The following KIAA1217 variants were observed in gnomAD, a reference collection of about 807,000 sequenced individuals.
The protein encoded by KIAA1217 is KIAA1217, also known as sickle tail protein homolog.
A neutral mutation model predicts 163.9 loss-of-function variants in KIAA1217; 88 were observed. The observed-to-expected ratio is 0.54, with a 90% CI of 0.45 to 0.64. The LOEUF (loss-of-function observed/expected upper bound fraction) is 0.64. Ranked by LOEUF, KIAA1217 falls within the 30% of genes least tolerant of loss-of-function variation. The pLI is 0.00. For synonymous variants in KIAA1217, 903 were observed against 923.1 expected (o/e 0.98, Z 0.39); for missense variants, 2,372 against 2,475.0 (o/e 0.96, Z 0.88).
At chr10:24,104,575 A>G (rs2062547901) in intron 2 of KIAA1217, among the ~76,000 whole-genome samples, 1 of 152,210 alleles carries the variant, frequency 6.6e-6, no homozygotes, top group African/African-American at 2.4e-5. Flanking sequence ...ACTTTGCATG[A>G]TACTATAATG....
chr10:24,180,439 A>G (rs953062511), intron 2 of KIAA1217, among the ~76,000 whole-genome samples: 1 of 151,996 alleles, frequency 6.6e-6, no homozygotes, highest in African/African-American at 2.4e-5. Flanking sequence ...GGTGCATGCC[A>G]CTATACCTGG....
intron 1 of KIAA1217, among the ~76,000 whole-genome samples, chr10:23,934,626 T>TTTTTTTTA (rs1843443264): frequency 1.3e-5 from 1 of 77,644 alleles, no homozygotes; most frequent in African/African-American, 1.3e-4. Context: ...TATATATATA[T>TTTTTTTTA]TTTTTTTTTG....
chr10:23,997,729 C>G (rs1846550229), intron 1 of KIAA1217, among the ~76,000 whole-genome samples: 1 of 152,150 alleles, frequency 6.6e-6, no homozygotes, highest in Non-Finnish European at 1.5e-5. Context: ...GCCTTCTATC[C>G]ATGGAGGGAA....
intron 1 of KIAA1217, among the ~76,000 whole-genome samples, chr10:23,841,147 A>C (rs891194874): frequency 6.6e-6 from 1 of 152,218 alleles, no homozygotes; most frequent in Non-Finnish European, 1.5e-5. Context: ...TGTGACTTTT[A>C]TTACTATTAG....
intron 1 of KIAA1217, among the ~76,000 whole-genome samples, chr10:24,210,714 C>A (rs1245266163): frequency 6.6e-6 from 1 of 152,152 alleles, no homozygotes; most frequent in Non-Finnish European, 1.5e-5. Flanking sequence ...ATGTAGACGT[C>A]ACTGTTTTAG....
In KIAA1217 at chr10:23,824,658, A is replaced by AAAAT. The variant is rs1837805755; in HGVS notation, c.-321+129425_-321+129426insAATA. ...AAAAAAAAAAAAAAAAAATAAAAAA[A>AAAAT]ATATATATATATATATATATATATG... On this transcript the variant is annotated intron_variant, in intron 1 of 18. Transcript: ENST00000376462. Among the ~76,000 whole-genome samples, 48 of 53,044 alleles carry AAAAT rather than the reference A, an allele frequency of 9.0e-4. 1 individual carries two copies. Among genetic ancestry groups the AAAAT allele is most frequent in the Non-Finnish European group, 1.3e-3 (37 of 28,144 alleles). 34.8% of individuals were successfully genotyped at this position (53,044 alleles called of 152,430 possible).
At chr10:23,954,501 G>A (rs1207937607) in intron 1 of KIAA1217, among the ~76,000 whole-genome samples, 1 of 151,900 alleles carries the variant, frequency 6.6e-6, no homozygotes, top group Non-Finnish European at 1.5e-5. Flanking sequence ...GGAGGTTGAC[G>A]CTGCAGTGAG....
intron 2 of KIAA1217, among the ~76,000 whole-genome samples, chr10:24,224,895 C>T (rs930684404): frequency 4.1e-5 from 6 of 145,200 alleles, no homozygotes; most frequent in Admixed American, 1.4e-4. Context: ...GGCGCAGTCT[C>T]GGCTTACTGC....
At chr10:24,424,525 C>T (rs1282556851) in intron 3 of KIAA1217, among the ~76,000 whole-genome samples, 1 of 152,210 alleles carries the variant, frequency 6.6e-6, no homozygotes, top group Non-Finnish European at 1.5e-5. Context: ...TTAATGAAGC[C>T]ATTTCTACCG....
intron 1 of KIAA1217, among the ~76,000 whole-genome samples, chr10:23,882,494 C>G (rs1023104442): frequency 4.6e-5 from 7 of 151,892 alleles, no homozygotes; most frequent in Admixed American, 3.3e-4. Flanking sequence ...TTTACACTCC[C>G]TCATGTTTGA....
At chr10:23,737,684 T>G (rs1249679676) in intron 1 of KIAA1217, among the ~76,000 whole-genome samples, 1 of 152,236 alleles carries the variant, frequency 6.6e-6, no homozygotes, top group Non-Finnish European at 1.5e-5. Flanking sequence ...TTTTGCTTTC[T>G]GTTTTTCATT....
At chr10:24,029,635 C>T (rs1368044710) in intron 2 of KIAA1217, among the ~76,000 whole-genome samples, 1 of 152,178 alleles carries the variant, frequency 6.6e-6, no homozygotes, top group Non-Finnish European at 1.5e-5. Context: ...GGATTTACTA[C>T]ACCTCTCAAG....
Position 24,413,471 on chromosome 10 carries a change from C to T in KIAA1217, c.554-19524C>T, listed in dbSNP as rs578228990. Among the ~76,000 whole-genome samples, 96 of 152,260 alleles carry T rather than the reference C, an allele frequency of 6.3e-4. 1 individual carries two copies. The highest frequency in any genetic ancestry group is 2.2e-3 in the African/African-American group (93 of 41,556). On this transcript the variant is annotated intron_variant, in intron 3 of 20. Transcript: ENST00000376454. ...ACAGGCATGAGCCACCACGCCCAGCCCCGTAGTTAATTTTTAACAGAGCAG... is the reference window on the plus strand; with the variant it reads ...ACAGGCATGAGCCACCACGCCCAGCTCCGTAGTTAATTTTTAACAGAGCAG...
chr10:24,125,322 C>CTGTGTGTGTGTGTGTG (rs58143239), intron 2 of KIAA1217, among the ~76,000 whole-genome samples: 122 of 143,812 alleles, frequency 8.5e-4, no homozygotes, highest in Non-Finnish European at 1.4e-3. Context: ...ATCCTATGCT[C>CTGTGTGTGTGTGTGTG]TGTGTGTGTG....
At chr10:24,315,937 G>GT (rs2043303222) in intron 2 of KIAA1217, among the ~76,000 whole-genome samples, 1 of 147,126 alleles carries the variant, frequency 6.8e-6, no homozygotes, top group African/African-American at 2.5e-5. Flanking sequence ...AATGGGGGGG[G>GT]GGAATCCAAG....
At chr10:24,328,133 A>T (rs982487782) in intron 2 of KIAA1217, among the ~76,000 whole-genome samples, 1 of 152,208 alleles carries the variant, frequency 6.6e-6, no homozygotes, top group African/African-American at 2.4e-5. Context: ...CACTGAGACA[A>T]CAAGTATTGC....
At chr10:23,864,124 A>C (rs1445066796) in intron 1 of KIAA1217, among the ~76,000 whole-genome samples, 2 of 151,582 alleles carry the variant, frequency 1.3e-5, no homozygotes, top group Non-Finnish European at 2.9e-5. Flanking sequence ...CAGAAAAGGC[A>C]ACCAAAACAG....
chr10:24,454,783 T>G (rs1326716993), intron 5 of KIAA1217, among the ~76,000 whole-genome samples: 1 of 151,658 alleles, frequency 6.6e-6, no homozygotes, highest in Non-Finnish European at 1.5e-5. Flanking sequence ...TGGATGGAAA[T>G]CCACAAAGTG....
rs544297877 is a variant in KIAA1217 at position 24,445,722 on chromosome 10, A to G, written c.846+7243A>G. ...AAAGGACATGAACTCATCATTTTTT[A>G]TGGCTGCATAGTATTCCATGGTGTA... On this transcript the variant is annotated intron_variant, in intron 5 of 20. Coordinates refer to ENST00000376454, the MANE Select transcript of KIAA1217 (RefSeq NM_019590.5). 5.5e-3 allele frequency among the ~76,000 whole-genome samples: 840 copies of G among 151,792 alleles called. 12 individuals carry two copies. The highest frequency in any genetic ancestry group is 0.023 in the Admixed American group (351 of 15,240).
Sources: allele counts gnomAD v4.1 joint callset (sites outside exome capture counted in the v4.1 genomes callset), GRCh38; gene constraint gnomAD v4.1.1; transcripts MANE v1.5; gene names NCBI Gene and HGNC (gene_info 2026-07-23, HGNC 2026-07-21).